Variants in MAD1L1 observed in about 807,000 individuals in gnomAD.
MAD1L1 encodes mitotic arrest deficient 1 like 1.
Under a neutral mutation model 96.9 loss-of-function variants are expected in MAD1L1, and 95 were observed. The ratio of observed to expected loss-of-function variants is 0.98; its 90% CI spans 0.83 to 1.16. The LOEUF (loss-of-function observed/expected upper bound fraction) is 1.16, where lower values mean the gene tolerates loss of function less well. MAD1L1 is among the 50% of genes most tolerant of loss of function. MAD1L1 has a pLI of 0.00. For missense variants in MAD1L1, 1,007 were observed against 954.4 expected, an observed-to-expected ratio of 1.06 and a Z score of -0.73; for synonymous variants, 473 against 396.6, an observed-to-expected ratio of 1.19 and a Z score of -2.29.
chr7:2,057,602 C>A (rs1425106736), intron 12 of MAD1L1, among the ~76,000 whole-genome samples: 3 of 149,712 alleles, frequency 2.0e-5, no homozygotes, highest in Admixed American at 6.7e-5. Flanking sequence ...CCTTCTCAAT[C>A]CCTTTTCAGC....
Position 1,871,572 on chromosome 7 carries a change from T to C in MAD1L1, c.1998+26628A>G, listed in dbSNP as rs1170383010. Among the ~76,000 whole-genome samples the C allele has an allele frequency of 2.7e-5, 4 of 147,322 alleles. No homozygotes were observed. In the East Asian group the frequency reaches 8.2e-4, roughly 30 times the overall value. Reference sequence around the variant, plus strand: ...TGCCACGCTGAACCCAACATACGCCTGCCACGCCGAACCCACCGTAACACC... The same window carrying C: ...TGCCACGCTGAACCCAACATACGCCCGCCACGCCGAACCCACCGTAACACC... On this transcript the variant is annotated intron_variant, in intron 18 of 18. Transcript: ENST00000265854.
chr7:2,078,874 G>A (rs1785501696), intron 11 of MAD1L1, among the ~76,000 whole-genome samples: 1 of 152,236 alleles, frequency 6.6e-6, no homozygotes, highest in South Asian at 2.1e-4. Flanking sequence ...GGGCTCAGAA[G>A]CCACCGTGTC....
intron 12 of MAD1L1, among the ~76,000 whole-genome samples, chr7:2,021,340 G>C (rs569359519): frequency 2.0e-5 from 3 of 152,284 alleles, no homozygotes; most frequent in South Asian, 4.1e-4. Flanking sequence ...AGTGAGAAAT[G>C]CATCAGACCT....
chr7:1,873,076 C>T (rs983291728), intron 18 of MAD1L1, among the ~76,000 whole-genome samples: 1 of 152,266 alleles, frequency 6.6e-6, no homozygotes, highest in Non-Finnish European at 1.5e-5. Context: ...CAGGGAAGGG[C>T]TGCATGCCGA....
chr7:2,105,575 G>A (rs949537338), intron 11 of MAD1L1, among the ~76,000 whole-genome samples: 5 of 152,202 alleles, frequency 3.3e-5, no homozygotes, highest in South Asian at 2.1e-4. Flanking sequence ...AGGAAGTAAC[G>A]AGGCCAGGAA....
intron 10 of MAD1L1, among the ~76,000 whole-genome samples, chr7:2,172,486 A>G (rs1790752978): frequency 6.6e-6 from 1 of 152,208 alleles, no homozygotes; most frequent in South Asian, 2.1e-4. Flanking sequence ...ACGCCTCCTC[A>G]GGACAAAGGG....
intron 15 of MAD1L1, among the ~76,000 whole-genome samples, chr7:1,972,378 T>C (rs1057160172): frequency 6.6e-6 from 1 of 152,214 alleles, no homozygotes; most frequent in African/African-American, 2.4e-5. Context: ...TTTAAAAAAA[T>C]AGTTTACAAG....
chr7:1,841,936 C>T (rs1195613298), intron 18 of MAD1L1, among the ~76,000 whole-genome samples: 2 of 152,188 alleles, frequency 1.3e-5, no homozygotes, highest in African/African-American at 2.4e-5. Flanking sequence ...ACAATCACGC[C>T]GTCACCACCC....
intron 18 of MAD1L1, among the ~76,000 whole-genome samples, chr7:1,823,717 G>A (rs576067364): frequency 4.6e-5 from 7 of 152,320 alleles, no homozygotes; most frequent in Non-Finnish European, 7.3e-5. Flanking sequence ...AGGGCAGAGC[G>A]CCCAGGCATT....
intron 18 of MAD1L1, among the ~76,000 whole-genome samples, chr7:1,827,729 G>GGCTAGACAGCA (rs1562432195): frequency 3.6e-5 from 1 of 27,770 alleles, no homozygotes; most frequent in South Asian, 7.5e-4. Context: ...CCTGAGCCCT[G>GGCTAGACAGCA]CGTGGCTGTG....
At chr7:2,028,588 A>G (rs960246646) in intron 12 of MAD1L1, among the ~76,000 whole-genome samples, 7 of 152,188 alleles carry the variant, frequency 4.6e-5, no homozygotes, top group African/African-American at 1.7e-4. Flanking sequence ...TGTAAAATCT[A>G]CGTGAAGAGG....
intron 11 of MAD1L1, among the ~76,000 whole-genome samples, chr7:2,111,293 C>T (rs960334120): frequency 1.3e-5 from 2 of 152,222 alleles, no homozygotes; most frequent in African/African-American, 4.8e-5. Flanking sequence ...TCCATGCACC[C>T]CTCCACCTCT....
At chr7:1,893,908 G>A (rs1200733611) in intron 18 of MAD1L1, among the ~76,000 whole-genome samples, 1 of 152,244 alleles carries the variant, frequency 6.6e-6, no homozygotes, top group Non-Finnish European at 1.5e-5. Flanking sequence ...GTGACCATCT[G>A]CAGGCAGAGG....
At chr7:2,095,081 C>T (rs1024586844) in intron 11 of MAD1L1, among the ~76,000 whole-genome samples, 2 of 152,004 alleles carry the variant, frequency 1.3e-5, no homozygotes, top group South Asian at 2.1e-4. Context: ...CTCGCTCTGT[C>T]GCCTAGGCTG....
intron 10 of MAD1L1, among the ~76,000 whole-genome samples, chr7:2,203,976 A>G (rs1792451751): frequency 6.6e-6 from 1 of 152,228 alleles, no homozygotes; most frequent in South Asian, 2.1e-4. Flanking sequence ...TGAGGTCACC[A>G]GGGAGGGCAG....
intron 10 of MAD1L1, among the ~76,000 whole-genome samples, chr7:2,183,817 C>G (rs1158518291): frequency 3.3e-5 from 5 of 151,718 alleles, no homozygotes; most frequent in Non-Finnish European, 5.9e-5. Context: ...ACGAGTTAAT[C>G]GGTGCAGCAC....
intron 14 of MAD1L1, among the ~76,000 whole-genome samples, chr7:1,995,994 CA>C (rs1781536724): frequency 6.6e-6 from 1 of 152,224 alleles, no homozygotes; most frequent in Admixed American, 6.5e-5. Context: ...TGTGACCAGA[CA>C]GATTCCGGGC....
intron 11 of MAD1L1, among the ~76,000 whole-genome samples, chr7:2,135,206 A>G (rs1006353193): frequency 6.6e-6 from 1 of 152,216 alleles, no homozygotes; most frequent in East Asian, 1.9e-4. Context: ...TGGGGCCCTC[A>G]GGCCACTAGG....
intron 11 of MAD1L1, among the ~76,000 whole-genome samples, chr7:2,086,655 A>G (rs1004061374): frequency 6.6e-6 from 1 of 152,236 alleles, no homozygotes; most frequent in African/African-American, 2.4e-5. Flanking sequence ...CCCAGGTTCA[A>G]GCAATTCTGC....
Sources: gnomAD v4.1 joint callset for allele counts (sites outside exome capture counted in the v4.1 genomes callset) on GRCh38, gnomAD v4.1.1 for gene constraint, MANE v1.5 for transcripts, NCBI Gene and HGNC (gene_info 2026-07-23, HGNC 2026-07-21) for gene names.